NCEH1: variants seen among roughly 807,000 people sequenced by gnomAD.
NCEH1 encodes 2-acetyl MAGE hydrolase.
In NCEH1, 9 loss-of-function variants were observed where a neutral mutation model predicts 25.4. The observed-to-expected ratio is 0.35, with a 90% CI of 0.21 to 0.62. The LOEUF (loss-of-function observed/expected upper bound fraction) is 0.62, where lower values mean the gene tolerates loss of function less well. Ranked by LOEUF, NCEH1 falls within the 20% of genes least tolerant of loss-of-function variation. NCEH1 has a pLI of 0.72. For synonymous variants in NCEH1, 200 were observed against 199.8 expected, an observed-to-expected ratio of 1.00 and a Z score of -0.01; for missense variants, 412 against 501.1, an observed-to-expected ratio of 0.82 and a Z score of 1.70.
chr3:172,657,290 A>T (rs1191075900), intron 1 of NCEH1, among the ~76,000 whole-genome samples: 1 of 152,072 alleles, frequency 6.6e-6, no homozygotes. Context: ...ATTTCCAAAC[A>T]TCTCCAGGAT....
intron 1 of NCEH1, among the ~76,000 whole-genome samples, chr3:172,677,351 T>C (rs1017891807): frequency 1.1e-4 from 17 of 152,238 alleles, no homozygotes; most frequent in African/African-American, 3.4e-4. Flanking sequence ...TCTACTGATA[T>C]CTGAAGAGCC....
chr3:172,633,395 G>T lies in NCEH1; in HGVS notation c.*80C>A. On this transcript the variant is annotated 3_prime_UTR_variant, in exon 5 of 5. Coordinates refer to ENST00000475381, the MANE Select transcript of NCEH1 (RefSeq NM_020792.6). ...TAGAGGGGAATGGGAGGAAGAATTA[G>T]TCAACTAAAAAGTGCATGTCTTTCC... is the stretch of plus-strand genomic sequence containing the variant. The T allele has an allele frequency of 1.5e-6, 2 of 1,328,902 alleles. No homozygotes were observed. Among genetic ancestry groups the T allele is most frequent in the Non-Finnish European group, 2.1e-6 (2 of 958,444 alleles). The allele number at this position is 1,328,902 out of a possible 1,614,324, so 82.3% of individuals were successfully genotyped here.
Position 172,653,735 on chromosome 3 carries a change from G to GTTTTTTTT in NCEH1, c.139-5629_139-5622dup, listed in dbSNP as rs1553830302. 7.7e-4 allele frequency among the ~76,000 whole-genome samples: 55 copies of GTTTTTTTT among 71,002 alleles called. 4 individuals are homozygous for GTTTTTTTT. The highest frequency in any genetic ancestry group is 7.4e-3 in the Middle Eastern group (1 of 136). The allele number at this position is 71,002 out of a possible 152,430, so 46.6% of individuals were successfully genotyped here. ...TTGTTTTTGTTGTTGTTGTTGTTCT[G>GTTTTTTTT]TTTTTTTTGTTTTTTTGTTTTTTTG... is the stretch of plus-strand genomic sequence containing the variant. On this transcript the variant is annotated intron_variant, in intron 1 of 4. Coordinates refer to ENST00000475381, the MANE Select transcript of NCEH1 (RefSeq NM_020792.6).
At chr3:172,697,828 C>G (rs1713455933) in intron 1 of NCEH1, among the ~76,000 whole-genome samples, 1 of 152,150 alleles carries the variant, frequency 6.6e-6, no homozygotes, top group Non-Finnish European at 1.5e-5. Context: ...TGTTGAGCCT[C>G]TATTTCCTTT....
At chr3:172,635,817 CCAG>C in intron 4 of NCEH1, 96 bp downstream of exon 4, 1 of 1,137,510 alleles carries the variant, frequency 8.8e-7, no homozygotes. Flanking sequence ...ACCGGCCCAC[CCAG>C]CTATGCATTT....
At chr3:172,641,040 G>T (rs1716825569) in intron 3 of NCEH1, among the ~76,000 whole-genome samples, 1 of 151,996 alleles carries the variant, frequency 6.6e-6, no homozygotes, top group South Asian at 2.1e-4. Context: ...ATGGATGACT[G>T]TTTCTCCAAA....
At chr3:172,658,613 T>C (rs987365147) in intron 1 of NCEH1, among the ~76,000 whole-genome samples, 1 of 152,134 alleles carries the variant, frequency 6.6e-6, no homozygotes, top group African/African-American at 2.4e-5. Context: ...TTTCCTCAAA[T>C]ATCCAGGAAT....
intron 1 of NCEH1, among the ~76,000 whole-genome samples, chr3:172,663,680 A>T (rs1475507212): frequency 2.0e-5 from 3 of 152,028 alleles, no homozygotes; most frequent in Non-Finnish European, 4.4e-5. Context: ...GATAGTTAGC[A>T]CTTCTTGTTG....
chr3:172,702,363 T>C (rs563694647), intron 1 of NCEH1, among the ~76,000 whole-genome samples: 20 of 152,224 alleles, frequency 1.3e-4, no homozygotes, highest in Non-Finnish European at 7.3e-5. Flanking sequence ...TTAGATACGT[T>C]TCCCCAGTGC....
intron 1 of NCEH1, among the ~76,000 whole-genome samples, chr3:172,706,561 C>CCAT (rs1339727417): frequency 4.0e-5 from 6 of 148,812 alleles, no homozygotes; most frequent in Non-Finnish European, 8.9e-5. Context: ...TGCAGTGGCA[C>CCAT]CATCTCGGCT....
chr3:172,668,508 C>A (rs1271757584), intron 1 of NCEH1, among the ~76,000 whole-genome samples: 4 of 152,024 alleles, frequency 2.6e-5, no homozygotes, highest in Non-Finnish European at 5.9e-5. Flanking sequence ...GCACCTGCCA[C>A]CACACCTGGC....
chr3:172,675,695 C>T (rs530698100), intron 1 of NCEH1, among the ~76,000 whole-genome samples: 53 of 152,308 alleles, frequency 3.5e-4, no homozygotes, highest in African/African-American at 1.3e-3. Flanking sequence ...AAGTTATTCT[C>T]TAATGGCAAG....
chr3:172,679,511 G>A (rs147997670), intron 1 of NCEH1, among the ~76,000 whole-genome samples: 3,258 of 151,624 alleles, frequency 0.021, 73 homozygotes, highest in South Asian at 0.032. Context: ...CACACCCATC[G>A]TTTAGCTCCC....
intron 1 of NCEH1, among the ~76,000 whole-genome samples, chr3:172,668,433 C>T (rs1718331525): frequency 7.4e-6 from 1 of 135,720 alleles, no homozygotes; most frequent in South Asian, 2.5e-4. Flanking sequence ...CGGCTCACTA[C>T]AAGCTCCGCC....
Position 172,711,045 on chromosome 3 carries a change from A to C in NCEH1, c.-61T>G. On this transcript the variant is annotated 5_prime_UTR_variant, in exon 1 of 5. Transcript: ENST00000475381. ...GAGGAAAGGGCGATACCACCCGGAG[A>C]CCTCCGGCAACTTTCTGCCCGCGGC... The C allele has an allele frequency of 1.2e-6, 2 of 1,610,084 alleles. No individual in the cohort carries two copies. Among genetic ancestry groups the C allele is most frequent in the Non-Finnish European group, 1.7e-6 (2 of 1,177,178 alleles).
intron 2 of NCEH1, among the ~76,000 whole-genome samples, chr3:172,646,409 C>T (rs1717124365): frequency 6.6e-6 from 1 of 152,004 alleles, no homozygotes; most frequent in Non-Finnish European, 1.5e-5. Flanking sequence ...TGCTGCAGTT[C>T]AGTAAAGTGA....
rs1358823499 is a variant in NCEH1, at chr3:172,632,272, G to A, written c.*1203C>T. On this transcript the variant is annotated 3_prime_UTR_variant, in exon 5 of 5. Coordinates refer to ENST00000475381, the MANE Select transcript of NCEH1 (RefSeq NM_020792.6). ...CTATGTTATAGTAGTATTAATAGCT[G>A]TTATATCATTTCCACAAAATTACAC... is the stretch of plus-strand genomic sequence containing the variant. 2.0e-5 allele frequency: 3 copies of A among 152,216 alleles called. No homozygotes were observed. Among genetic ancestry groups the A allele is most frequent in the African/African-American group, 4.8e-5 (2 of 41,462 alleles). 9.4% of individuals were successfully genotyped at this position (152,216 alleles called of 1,614,324 possible).
chr3:172,681,391 C>T (rs1712366979), intron 1 of NCEH1, among the ~76,000 whole-genome samples: 1 of 152,076 alleles, frequency 6.6e-6, no homozygotes, highest in Admixed American at 6.5e-5. Flanking sequence ...CTGTCTTGCC[C>T]CAAATTTTCA....
At chr3:172,663,809 G>C (rs911864864) in intron 1 of NCEH1, among the ~76,000 whole-genome samples, 1 of 151,834 alleles carries the variant, frequency 6.6e-6, no homozygotes, top group East Asian at 1.9e-4. Context: ...TTTTCCATTT[G>C]CTTGGTAGAT....
Sources: gnomAD v4.1 joint callset for allele counts (sites outside exome capture counted in the v4.1 genomes callset) on GRCh38, gnomAD v4.1.1 for gene constraint, MANE v1.5 for transcripts, NCBI Gene and HGNC (gene_info 2026-07-23, HGNC 2026-07-21) for gene names.